Variants in CCT3 observed in about 807,000 individuals in gnomAD.
CCT3 encodes chaperonin containing TCP1 subunit 3.
Under a neutral mutation model 65.3 loss-of-function variants are expected in CCT3, and 10 were observed. That is an observed-to-expected ratio of 0.15 (90% CI 0.09 to 0.26). The LOEUF is 0.26. Ranked by LOEUF, CCT3 falls within the 10% of genes least tolerant of loss-of-function variation. The pLI is 1.00. For synonymous variants in CCT3, 225 were observed against 242.3 expected (o/e 0.93, Z 0.66); for missense variants, 626 against 708.7 (o/e 0.88, Z 1.33).
chr1:156,319,362 C>T (rs1443770029), intron 7 of CCT3, among the ~76,000 whole-genome samples: 12 of 151,924 alleles, frequency 7.9e-5, no homozygotes, highest in Admixed American at 6.6e-5. Context: ...GTGATCCGCC[C>T]GCCTCGGCCT....
intron 5 of CCT3, among the ~76,000 whole-genome samples, chr1:156,326,096 G>T (rs1209401492): frequency 6.6e-6 from 1 of 152,090 alleles, no homozygotes; most frequent in African/African-American, 2.4e-5. Context: ...ACTTTGGGAG[G>T]CTAGGGTGAG....
At position 156,322,442 on chromosome 1, in the gene CCT3, C is replaced by T. The variant is rs1452564236; in HGVS notation, c.423-1417G>A. Among the ~76,000 whole-genome samples the T allele has an allele frequency of 2.0e-5, 3 of 151,626 alleles. No homozygotes were observed. The East Asian group carries it at 5.8e-4, about 29-fold the overall frequency. ...CGAAGAGGCGGAGGTTGCAGTGAGC[C>T]GAGATCATGCCACTGCACACTCCAG... is the stretch of plus-strand genomic sequence containing the variant. On this transcript the variant is annotated intron_variant, in intron 6 of 13. Coordinates refer to ENST00000295688, the MANE Select transcript of CCT3 (RefSeq NM_005998.5).
At chr1:156,316,107 G>C (rs1401566409) in intron 10 of CCT3, among the ~76,000 whole-genome samples, 1 of 151,390 alleles carries the variant, frequency 6.6e-6, no homozygotes, top group Non-Finnish European at 1.5e-5. Flanking sequence ...TAACATGGCA[G>C]GGGGGGTGGG....
chr1:156,332,025 T>C (rs1665122066), intron 5 of CCT3, among the ~76,000 whole-genome samples: 1 of 129,162 alleles, frequency 7.7e-6, no homozygotes, highest in African/African-American at 2.6e-5. Flanking sequence ...AGAGTGAGAC[T>C]CCATCTCAAA....
chr1:156,317,372 C>G (rs760090780), intron 9 of CCT3, 43 bp downstream of exon 9: 1 of 1,601,086 alleles, frequency 6.2e-7, no homozygotes, highest in East Asian at 2.2e-5. Flanking sequence ...CACCCACCCT[C>G]GTCTACCTCA....
intron 1 of CCT3, chr1:156,337,228 T>A (rs1430134658): frequency 5.4e-6 from 2 of 367,820 alleles, no homozygotes; most frequent in South Asian, 4.1e-5. Context: ...GTCAACATGG[T>A]GAAACTCCGT....
chr1:156,320,333 G>A (rs1314186728), intron 7 of CCT3, among the ~76,000 whole-genome samples: 2 of 152,146 alleles, frequency 1.3e-5, no homozygotes, highest in African/African-American at 4.8e-5. Context: ...ACTCGAACCC[G>A]GGAGGTGGAG....
rs572132955 is a variant in CCT3, at chr1:156,317,412, C to T, written c.892+3G>A. 2 of 1,607,266 alleles carry T rather than the reference C, an allele frequency of 1.2e-6. No homozygotes were observed. The highest frequency in any genetic ancestry group is 1.1e-5 in the South Asian group (1 of 90,830). On this transcript the variant is annotated splice_donor_region_variant and intron_variant, in intron 9 of 13. Transcript: ENST00000295688. ...TAGGCTGGAAAAAGTAACAAAGTCC[C>T]ACCTGAGATGCCCTTTTCAGTGATG...
chr1:156,328,673 G>C (rs1371461011), intron 5 of CCT3, among the ~76,000 whole-genome samples: 1 of 151,928 alleles, frequency 6.6e-6, no homozygotes, highest in Non-Finnish European at 1.5e-5. Context: ...CTCGTTAAGA[G>C]TCATCACCAC....
chr1:156,312,153 C>G lies in CCT3; in HGVS notation c.1043G>C (p.Gly348Ala). The change falls in exon 11 of 14, where the codon GGC becomes GCC. Residue 348 changes from glycine (G) to alanine (A), a missense_variant. Physicochemically the swap from Gly to Ala is moderately conservative, Grantham distance 60. Coordinates refer to ENST00000295688, the MANE Select transcript of CCT3 (RefSeq NM_005998.5). ...TCCAATTTTCTTGATTTCCAACAGG[C>G]CTGCTCCTGTTCCAACATCATCTTC... ...LREDDVGTGA[G>A]LLEIKKIGDE... 6.2e-7 allele frequency: 1 copy of G among 1,614,110 alleles called. No homozygotes were observed. Among genetic ancestry groups the G allele is most frequent in the East Asian group, 2.2e-5 (1 of 44,874 alleles).
intron 5 of CCT3, among the ~76,000 whole-genome samples, chr1:156,331,024 G>C (rs1305088122): frequency 6.6e-6 from 1 of 151,194 alleles, no homozygotes; most frequent in Non-Finnish European, 1.5e-5. Context: ...ATGAGGTCAG[G>C]AGTTCAAGAC....
chr1:156,330,803 A>G (rs1464562773), intron 5 of CCT3, among the ~76,000 whole-genome samples: 1 of 151,570 alleles, frequency 6.6e-6, no homozygotes, highest in African/African-American at 2.4e-5. Flanking sequence ...AATCCCAGCT[A>G]ACAGAAAGGC....
intron 6 of CCT3, among the ~76,000 whole-genome samples, chr1:156,322,079 T>C (rs1664580002): frequency 6.6e-6 from 1 of 152,026 alleles, no homozygotes; most frequent in Non-Finnish European, 1.5e-5. Flanking sequence ...CAAAACCTCA[T>C]CTCTATGAAA....
intron 10 of CCT3, among the ~76,000 whole-genome samples, chr1:156,312,672 C>CA (rs989457083): frequency 6.6e-6 from 1 of 151,508 alleles, no homozygotes; most frequent in Non-Finnish European, 1.5e-5. Flanking sequence ...AAAACAAACA[C>CA]AAAAACCCCA....
At chr1:156,326,075 G>A (rs1664792158) in intron 5 of CCT3, among the ~76,000 whole-genome samples, 1 of 152,132 alleles carries the variant, frequency 6.6e-6, no homozygotes, top group African/African-American at 2.4e-5. Context: ...GCTCACACCT[G>A]TAATCCCAGC....
chr1:156,326,234 T>TG (rs1341872654), intron 5 of CCT3, among the ~76,000 whole-genome samples: 1 of 152,030 alleles, frequency 6.6e-6, no homozygotes, highest in South Asian at 2.1e-4. Flanking sequence ...GAACCTGGGC[T>TG]GGGAGGACTC....
At chr1:156,321,078 A>G (rs1468602040) in intron 6 of CCT3, 53 bp from the exon 7 acceptor site, 1 of 1,433,618 alleles carries the variant, frequency 7.0e-7, no homozygotes, top group East Asian at 2.3e-5. Context: ...AGATATGTAG[A>G]GATGTGCCTT....
intron 6 of CCT3, 82 bp downstream of exon 6, chr1:156,324,890 G>A (rs1471437738): frequency 1.1e-6 from 1 of 909,654 alleles, no homozygotes; most frequent in Admixed American, 1.8e-5. Flanking sequence ...GCCTCCCAAA[G>A]TGCTGGGATG....
intron 5 of CCT3, among the ~76,000 whole-genome samples, chr1:156,331,112 A>G (rs1665080379): frequency 6.6e-6 from 1 of 151,566 alleles, no homozygotes; most frequent in Non-Finnish European, 1.5e-5. Flanking sequence ...GGCATCTGTA[A>G]TCCCATCTAC....
Sources: allele counts gnomAD v4.1 joint callset (sites outside exome capture counted in the v4.1 genomes callset), GRCh38; gene constraint gnomAD v4.1.1; transcripts MANE v1.5; gene names NCBI Gene and HGNC (gene_info 2026-07-23, HGNC 2026-07-21).